Variants in MAST4 observed in about 807,000 individuals in gnomAD.
MAST4 encodes the protein microtubule-associated serine/threonine-protein kinase 4.
In MAST4, 89 loss-of-function variants were observed where a neutral mutation model predicts 162.7. The ratio of observed to expected loss-of-function variants is 0.55; its 90% CI spans 0.46 to 0.65. MAST4 has a LOEUF of 0.65. Ranked by LOEUF, MAST4 falls within the 30% of genes least tolerant of loss-of-function variation. The pLI, the probability that MAST4 is intolerant of heterozygous loss-of-function variation, is 0.00. For missense variants in MAST4, 3,153 were observed against 3,374.0 expected, an observed-to-expected ratio of 0.93 and a Z score of 1.62; for synonymous variants, 1,479 against 1,361.1, an observed-to-expected ratio of 1.09 and a Z score of -1.91.
intron 19 of MAST4, among the ~76,000 whole-genome samples, chr5:67,137,212 A>G (rs953111223): frequency 6.6e-6 from 1 of 152,114 alleles, no homozygotes; most frequent in African/African-American, 2.4e-5. Context: ...CAAGAAAGAG[A>G]ATTAAAAACC....
chr5:67,150,701 G>C (rs942572686), intron 24 of MAST4, among the ~76,000 whole-genome samples: 5 of 152,164 alleles, frequency 3.3e-5, no homozygotes, highest in Non-Finnish European at 7.3e-5. Context: ...AGGTAAAGAA[G>C]TGGGGGCCTG....
At chr5:67,035,264 G>T (rs1055592625) in intron 4 of MAST4, among the ~76,000 whole-genome samples, 1 of 152,046 alleles carries the variant, frequency 6.6e-6, no homozygotes, top group Admixed American at 6.6e-5. Context: ...TTTAAGGGGT[G>T]CAAACAATTC....
chr5:66,945,045 G>A (rs1743857279), intron 4 of MAST4, among the ~76,000 whole-genome samples: 1 of 152,016 alleles, frequency 6.6e-6, no homozygotes, highest in Admixed American at 6.6e-5. Context: ...TCATTGGGGA[G>A]GTCTTAGAAT....
intron 1 of MAST4, among the ~76,000 whole-genome samples, chr5:66,673,795 G>C (rs1208962646): frequency 6.6e-6 from 1 of 152,128 alleles, no homozygotes; most frequent in Non-Finnish European, 1.5e-5. Flanking sequence ...GCCTAGGCTA[G>C]ATTTTTTTTG....
At chr5:66,705,273 A>G (rs61707595) in intron 1 of MAST4, among the ~76,000 whole-genome samples, 5,683 of 152,132 alleles carry the variant, frequency 0.037, 306 homozygotes, top group South Asian at 0.13. Flanking sequence ...CCTTTTTTCT[A>G]TTTTTAATGG....
At chr5:66,898,644 AC>A (rs1387678013) in intron 3 of MAST4, among the ~76,000 whole-genome samples, 1 of 152,238 alleles carries the variant, frequency 6.6e-6, no homozygotes, top group Non-Finnish European at 1.5e-5. Flanking sequence ...TTACCACTGA[AC>A]CCTAGAGCCC....
intron 5 of MAST4, among the ~76,000 whole-genome samples, chr5:67,070,592 T>C (rs1760836284): frequency 6.6e-6 from 1 of 152,238 alleles, no homozygotes; most frequent in African/African-American, 2.4e-5. Flanking sequence ...TGCATTCTGC[T>C]TTTTATTAAA....
intron 3 of MAST4, chr5:66,789,739 C>G (rs371073477): frequency 5.8e-6 from 3 of 518,838 alleles, no homozygotes; most frequent in African/African-American, 5.8e-5. Context: ...GTAGTTACCA[C>G]TTTCTCTCCC....
At chr5:66,804,455 G>A (rs1395853455) in intron 3 of MAST4, among the ~76,000 whole-genome samples, 1 of 152,190 alleles carries the variant, frequency 6.6e-6, no homozygotes, top group Non-Finnish European at 1.5e-5. Context: ...CCAGGTGGAA[G>A]GGCAGCACTT....
At chr5:66,674,764 TG>T (rs796333431) in intron 1 of MAST4, among the ~76,000 whole-genome samples, 93 of 152,318 alleles carry the variant, frequency 6.1e-4, no homozygotes, top group African/African-American at 2.1e-3. Flanking sequence ...TCTGCTGTGT[TG>T]CTATGGACCC....
rs79685884 is a variant in MAST4 at position 67,128,417 on chromosome 5, G to A, written c.1746-1793G>A. Reference sequence around the variant, plus strand: ...GATTATAGGAGGTATGGTTAAGAGAGTTTTTTACTGTACAGTGAAGGAAGA... The same window carrying A: ...GATTATAGGAGGTATGGTTAAGAGAATTTTTTACTGTACAGTGAAGGAAGA... On this transcript the variant is annotated intron_variant, in intron 14 of 28. Coordinates refer to ENST00000403625, the MANE Select transcript of MAST4 (RefSeq NM_001164664.2). Among the ~76,000 whole-genome samples the A allele has an allele frequency of 3.5e-4, 53 of 152,152 alleles. 1 individual carries two copies. In the South Asian group the frequency reaches 5.4e-3, roughly 16 times the overall value.
intron 3 of MAST4, among the ~76,000 whole-genome samples, chr5:66,820,580 A>G (rs1756945035): frequency 6.6e-6 from 1 of 152,218 alleles, no homozygotes; most frequent in Admixed American, 6.5e-5. Flanking sequence ...GATCTTCATA[A>G]ACACTCTCAT....
At chr5:67,074,647 A>T (rs1240710845) in intron 5 of MAST4, among the ~76,000 whole-genome samples, 2 of 152,210 alleles carry the variant, frequency 1.3e-5, no homozygotes, top group South Asian at 4.1e-4. Flanking sequence ...ATCTAATAGC[A>T]TAGGAAGATT....
intron 5 of MAST4, among the ~76,000 whole-genome samples, chr5:67,057,960 G>T (rs530678393): frequency 6.6e-6 from 1 of 150,644 alleles, no homozygotes; most frequent in Non-Finnish European, 1.5e-5. Flanking sequence ...AAAAAAAGTG[G>T]CCAGGCACAG....
intron 16 of MAST4, 142 bp from the exon 17 acceptor site, chr5:67,133,372 T>A (rs1302827168): frequency 1.2e-6 from 1 of 857,296 alleles, no homozygotes; most frequent in Non-Finnish European, 1.8e-6. Context: ...TGTGACTCCA[T>A]CTCTTTCCAG....
intron 4 of MAST4, among the ~76,000 whole-genome samples, chr5:66,977,711 A>G (rs1328009402): frequency 1.3e-5 from 2 of 152,194 alleles, no homozygotes; most frequent in African/African-American, 4.8e-5. Context: ...CAAAAGGAAA[A>G]AAGATTATAT....
rs964788068 is a variant in MAST4 at position 66,651,180 on chromosome 5, C to CT, written c.363+54173dup. 3.8e-3 allele frequency among the ~76,000 whole-genome samples: 553 copies of CT among 146,534 alleles called. 3 individuals are homozygous for CT. Among genetic ancestry groups the CT allele is most frequent in the African/African-American group, 0.011 (448 of 40,136 alleles). On this transcript the variant is annotated intron_variant, in intron 1 of 28. Coordinates refer to ENST00000403625, the MANE Select transcript of MAST4 (RefSeq NM_001164664.2). ...TCTGTTAGCAGATTTGATTGAGAAT[C>CT]TTTTTTTTTTTGAAAAAAGTACGTC...
At chr5:66,874,991 A>T (rs916781411) in intron 3 of MAST4, among the ~76,000 whole-genome samples, 5 of 152,336 alleles carry the variant, frequency 3.3e-5, no homozygotes, top group African/African-American at 1.2e-4. Context: ...GTAATGGAAA[A>T]TCAAGGAATT....
intron 4 of MAST4, among the ~76,000 whole-genome samples, chr5:66,960,382 G>T (rs1745863287): frequency 6.6e-6 from 1 of 152,198 alleles, no homozygotes. Flanking sequence ...CTTACAAAAA[G>T]TTAGAGGGCT....
Sources: allele counts gnomAD v4.1 joint callset (sites outside exome capture counted in the v4.1 genomes callset), GRCh38; gene constraint gnomAD v4.1.1; transcripts MANE v1.5; gene names NCBI Gene and HGNC (gene_info 2026-07-23, HGNC 2026-07-21).